Variants in PPARG observed in about 807,000 individuals in gnomAD.
PPARG encodes the protein peroxisome proliferator-activated receptor gamma.
PPARG carries 17 observed loss-of-function variants against 39.2 expected under a neutral mutation model. The ratio of observed to expected loss-of-function variants is 0.43; its 90% CI spans 0.30 to 0.65. The LOEUF is 0.65. Among genes scored for constraint, PPARG ranks in the 30% least tolerant of loss-of-function variants. PPARG has a pLI of 0.13. For synonymous variants in PPARG, 223 were observed against 215.7 expected (o/e 1.03, Z -0.30); for missense variants, 406 against 585.9 (o/e 0.69, Z 3.17).
chr3:12,352,273 T>C (rs2048512843), intron 2 of PPARG, among the ~76,000 whole-genome samples: 1 of 152,216 alleles, frequency 6.6e-6, no homozygotes, highest in Non-Finnish European at 1.5e-5. Context: ...GAATAGATTG[T>C]CGGAACCTTG....
intron 2 of PPARG, among the ~76,000 whole-genome samples, chr3:12,333,160 C>G (rs1426214369): frequency 1.3e-5 from 2 of 152,144 alleles, no homozygotes; most frequent in African/African-American, 4.8e-5. Flanking sequence ...AACAAACAAA[C>G]AAACAAAAAC....
At chr3:12,339,838 A>G (rs1171648630) in intron 2 of PPARG, among the ~76,000 whole-genome samples, 1 of 152,110 alleles carries the variant, frequency 6.6e-6, no homozygotes, top group African/African-American at 2.4e-5. Context: ...CCCTCCCTCA[A>G]ATACTCTAAC....
chr3:12,356,873 G>A (rs907492793), intron 2 of PPARG, among the ~76,000 whole-genome samples: 18 of 152,120 alleles, frequency 1.2e-4, no homozygotes, highest in African/African-American at 3.9e-4. Context: ...GTCTTGAAAT[G>A]CCTTTCCTAA....
At chr3:12,423,814 T>G (rs559324551) in intron 7 of PPARG, among the ~76,000 whole-genome samples, 2 of 152,260 alleles carry the variant, frequency 1.3e-5, no homozygotes, top group Non-Finnish European at 2.9e-5. Context: ...TTTTTCTCTC[T>G]TTTCTTGTAA....
chr3:12,379,697 C>A lies in PPARG; in HGVS notation c.-8-7C>A. 1 of 1,612,024 alleles carries A rather than the reference C, an allele frequency of 6.2e-7. No individual in the cohort carries two copies. Among genetic ancestry groups the A allele is most frequent in the East Asian group, 2.2e-5 (1 of 44,826 alleles). ...TAACTTCACAGCTAGTCTATTTTTCCTTTCAGAAATGACCATGGTTGACAC... is the reference window on the plus strand; with the variant it reads ...TAACTTCACAGCTAGTCTATTTTTCATTTCAGAAATGACCATGGTTGACAC... On this transcript the variant is annotated splice_region_variant and splice_polypyrimidine_tract_variant and intron_variant, in intron 2 of 7. Coordinates refer to ENST00000651735, the MANE Select transcript of PPARG (RefSeq NM_138711.6).
intron 2 of PPARG, among the ~76,000 whole-genome samples, chr3:12,338,652 T>G (rs911178919): frequency 1.3e-5 from 2 of 152,218 alleles, no homozygotes; most frequent in African/African-American, 4.8e-5. Context: ...CTTTTGGGGA[T>G]TCAACACCTT....
Position 12,434,212 on chromosome 3 carries a change from A to G in PPARG, c.*67A>G, listed in dbSNP as rs2051781633. 1 of 1,597,912 alleles carries G rather than the reference A, an allele frequency of 6.3e-7. No homozygotes were observed. Among genetic ancestry groups the G allele is most frequent in the Admixed American group, 1.7e-5 (1 of 59,224 alleles). On this transcript the variant is annotated 3_prime_UTR_variant, in exon 8 of 8. Coordinates refer to ENST00000651735, the MANE Select transcript of PPARG (RefSeq NM_138711.6). This position sits in a 1 kb window ranked among gnomAD's most constrained non-coding sequence, Gnocchi z 4.2. ...TTGCACTATTCTGAGGGAAAATCTG[A>G]CACCTAAGAAATTTACTGTGAAAAA...
chr3:12,352,705 A>G (rs756757657), intron 2 of PPARG, among the ~76,000 whole-genome samples: 2 of 152,224 alleles, frequency 1.3e-5, no homozygotes, highest in African/African-American at 4.8e-5. Context: ...AAGTTTGAAC[A>G]TATTAGTCAC....
chr3:12,361,620 G>T (rs1596667), intron 2 of PPARG, among the ~76,000 whole-genome samples: 103,498 of 152,164 alleles, frequency 0.68, 35,727 homozygotes, highest in African/African-American at 0.79. Flanking sequence ...CTCCCCAGCA[G>T]TGACATTTCT....
intron 1 of PPARG, among the ~76,000 whole-genome samples, chr3:12,298,353 AG>A (rs1396949190): frequency 2.0e-5 from 3 of 146,596 alleles, no homozygotes; most frequent in Non-Finnish European, 4.5e-5. Context: ...AAGCGAGTAG[AG>A]GTTTCCCAAA....
At chr3:12,423,579 A>G (rs2125301478) in intron 7 of PPARG, among the ~76,000 whole-genome samples, 1 of 152,356 alleles carries the variant, frequency 6.6e-6, no homozygotes, top group South Asian at 2.1e-4. Flanking sequence ...CTGCTTCTGC[A>G]CAGCCCAGTG....
intron 5 of PPARG, chr3:12,399,291 C>A (rs1287557294): frequency 4.4e-6 from 2 of 450,546 alleles, no homozygotes. Flanking sequence ...AAAAATGGTA[C>A]CTCTGCATAA....
chr3:12,382,632 A>G (rs1464459253), intron 4 of PPARG, among the ~76,000 whole-genome samples: 3 of 152,192 alleles, frequency 2.0e-5, no homozygotes, highest in African/African-American at 7.2e-5. Flanking sequence ...TAACGTTTTC[A>G]TACATCAGTA....
intron 5 of PPARG, among the ~76,000 whole-genome samples, chr3:12,403,031 G>T (rs979101966): frequency 2.5e-4 from 38 of 152,100 alleles, no homozygotes; most frequent in Non-Finnish European, 1.5e-4. Flanking sequence ...CATGGCTCAT[G>T]CCTGTAATCC....
chr3:12,304,717 A>C (rs1301740544), intron 1 of PPARG, among the ~76,000 whole-genome samples: 3 of 152,200 alleles, frequency 2.0e-5, no homozygotes, highest in African/African-American at 7.2e-5. Context: ...AATATTGTTG[A>C]ATGAATGTGA....
chr3:12,391,116 A>T (rs1461057694), intron 4 of PPARG, among the ~76,000 whole-genome samples: 4 of 152,224 alleles, frequency 2.6e-5, no homozygotes, highest in African/African-American at 9.6e-5. Context: ...AGGCCCAGAA[A>T]GGAAGTTACG....
chr3:12,399,280 G>C, intron 5 of PPARG: 1 of 448,840 alleles, frequency 2.2e-6, no homozygotes, highest in Middle Eastern at 3.3e-4. Context: ...CAAATAGTGT[G>C]AAAAATGGTA....
At chr3:12,330,007 G>GAT (rs1271483550) in intron 2 of PPARG, among the ~76,000 whole-genome samples, 3 of 152,082 alleles carry the variant, frequency 2.0e-5, no homozygotes, top group Non-Finnish European at 4.4e-5. Context: ...CCCTTGCATG[G>GAT]ATATATACCA....
intron 7 of PPARG, among the ~76,000 whole-genome samples, chr3:12,419,383 G>A (rs2051185052): frequency 6.6e-6 from 1 of 152,024 alleles, no homozygotes; most frequent in Non-Finnish European, 1.5e-5. Flanking sequence ...CAGTATATAA[G>A]AGGTTTGCCA....
Sources: gnomAD v4.1 joint callset for allele counts (sites outside exome capture counted in the v4.1 genomes callset) on GRCh38, gnomAD v4.1.1 for gene constraint, Gnocchi (gnomAD v3.1) non-coding constraint, MANE v1.5 for transcripts, NCBI Gene and HGNC (gene_info 2026-07-23, HGNC 2026-07-21) for gene names.